PREX1: variants seen among roughly 807,000 people sequenced by gnomAD.
PREX1 encodes the protein phosphatidylinositol 3,4,5-trisphosphate-dependent Rac exchanger 1 protein.
PREX1 carries 41 observed loss-of-function variants against 198.3 expected under a neutral mutation model. That is an observed-to-expected ratio of 0.21 (90% CI 0.16 to 0.27). The LOEUF is 0.27. PREX1 is among the 10% of genes least tolerant of loss of function. The probability of loss-of-function intolerance (pLI) is 1.00; values close to 1 mark genes in which losing one functional copy is unlikely to be tolerated. For missense variants in PREX1, 1,620 were observed against 2,200.7 expected (o/e 0.74, Z 5.28); for synonymous variants, 843 against 887.2 (o/e 0.95, Z 0.89).
chr20:48,845,353 G>T, the PREX1 span, among the ~76,000 whole-genome samples: 442 of 152,304 alleles, frequency 2.9e-3, no homozygotes, highest in Middle Eastern at 0.014. Context: ...CCATAGGCAG[G>T]TAATAAATAA....
intron 1 of PREX1, among the ~76,000 whole-genome samples, chr20:48,765,532 A>C (rs1352657932): frequency 6.6e-6 from 1 of 152,216 alleles, no homozygotes; most frequent in Non-Finnish European, 1.5e-5. Context: ...TTAAGTGCTT[A>C]CTGCATGCCA....
chr20:48,682,814 A>G (rs1012927632), intron 10 of PREX1, among the ~76,000 whole-genome samples: 6 of 152,226 alleles, frequency 3.9e-5, no homozygotes, highest in African/African-American at 4.8e-5. Flanking sequence ...CGCCGAGGCA[A>G]TCTGTGTTCA....
intron 7 of PREX1, among the ~76,000 whole-genome samples, chr20:48,693,188 GTCCATCCA>G (rs10626115): frequency 4.6e-4 from 70 of 150,920 alleles, no homozygotes; most frequent in Middle Eastern, 3.4e-3. Context: ...CTGGCAGTCC[GTCCATCCA>G]TCCATCCATC....
chr20:48,649,612 G>A, intron 24 of PREX1, 36 bp from the exon 25 acceptor site: 1 of 1,543,520 alleles, frequency 6.5e-7, no homozygotes, highest in Admixed American at 2.0e-5. Flanking sequence ...CTGGAAAACA[G>A]CCCCCAGCAT....
chr20:48,745,139 G>A lies in PREX1; in HGVS notation c.300C>T (p.Phe100=), dbSNP rs1410644792. The change falls in exon 3 of 40, where the codon TTC becomes TTT. Residue 100 remains phenylalanine (F), a synonymous_variant. Coordinates refer to ENST00000371941, the MANE Select transcript of PREX1 (RefSeq NM_020820.4). Reference sequence around the variant, plus strand: ...CTTCCAGGATGTCTTCGATGTTCGAGAACAGGACCTGTGAGGAAAAGAGAG... The same window carrying A: ...CTTCCAGGATGTCTTCGATGTTCGAAAACAGGACCTGTGAGGAAAAGAGAG... The part of the protein sequence containing the change: ...GLTEENVKVL[F]SNIEDILEVH... 1 of 1,613,874 alleles carries A rather than the reference G, an allele frequency of 6.2e-7. No individual in the cohort carries two copies. The highest frequency in any genetic ancestry group is 2.2e-5 in the East Asian group (1 of 44,878).
chr20:48,693,511 G>A (rs957231959), intron 7 of PREX1, among the ~76,000 whole-genome samples: 22 of 152,172 alleles, frequency 1.4e-4, no homozygotes, highest in African/African-American at 5.1e-4. Context: ...GCAGGCCCTC[G>A]CCAGCACCGA....
chr20:48,746,994 ACACACACACACACACACC>A (rs1568848679), intron 2 of PREX1, among the ~76,000 whole-genome samples: 1 of 65,378 alleles, frequency 1.5e-5, no homozygotes, highest in African/African-American at 5.6e-5. Context: ...ACACACACAC[ACACACACACACACACACC>A]CCACCCCCAG....
chr20:48,855,461 G>A, the PREX1 span, among the ~76,000 whole-genome samples: 1 of 152,036 alleles, frequency 6.6e-6, no homozygotes, highest in East Asian at 1.9e-4. Context: ...ACATCCCTGG[G>A]AGACTCATTC....
chr20:48,853,494 G>A, the PREX1 span, among the ~76,000 whole-genome samples: 26,294 of 152,050 alleles, frequency 0.17, 2,341 homozygotes, highest in Non-Finnish European at 0.19. Context: ...ATTATCACGA[G>A]ATAGCATGGG....
chr20:48,840,011 TTTTG>T, the PREX1 span, among the ~76,000 whole-genome samples: 6 of 152,300 alleles, frequency 3.9e-5, no homozygotes, highest in African/African-American at 1.2e-4. Flanking sequence ...TTGCAATTAT[TTTTG>T]TTTGTTTGTT....
chr20:48,836,720 A>T, the PREX1 span, among the ~76,000 whole-genome samples: 1 of 152,040 alleles, frequency 6.6e-6, no homozygotes, highest in African/African-American at 2.4e-5. Flanking sequence ...TTCGAGACCA[A>T]CCTGGTCAAC....
At chr20:48,672,966 T>G (rs1352411374) in intron 14 of PREX1, among the ~76,000 whole-genome samples, 2 of 152,168 alleles carry the variant, frequency 1.3e-5, no homozygotes, top group African/African-American at 2.4e-5. Flanking sequence ...GTCTGTCTTG[T>G]TCCCTGCTGT....
rs140010281 is a variant in PREX1, at chr20:48,737,215, C to CAAAA, written c.415-2569_415-2566dup. Reference sequence around the variant, plus strand: ...GCAGTAGGTGGGAAGGTTTTGACAGCAAAAAAAAAAAAAAAAAAAAAAAAA... The same window carrying CAAAA: ...GCAGTAGGTGGGAAGGTTTTGACAGCAAAAAAAAAAAAAAAAAAAAAAAAAAAAA... On this transcript the variant is annotated intron_variant, in intron 3 of 39. Transcript: ENST00000371941. Among the ~76,000 whole-genome samples the CAAAA allele has an allele frequency of 5.7e-4, 20 of 35,296 alleles. 1 individual carries two copies. The highest frequency in any genetic ancestry group is 2.8e-3 in the East Asian group (3 of 1,058). The allele number at this position is 35,296 out of a possible 152,430, so 23.2% of individuals were successfully genotyped here.
At chr20:48,711,591 T>A (rs2089931164) in intron 5 of PREX1, among the ~76,000 whole-genome samples, 1 of 152,026 alleles carries the variant, frequency 6.6e-6, no homozygotes, top group Non-Finnish European at 1.5e-5. Context: ...CCCGTTTTTG[T>A]AAAAAAAAGT....
intron 1 of PREX1, among the ~76,000 whole-genome samples, chr20:48,786,861 A>G (rs1242566514): frequency 1.1e-4 from 16 of 150,510 alleles, no homozygotes; most frequent in Non-Finnish European, 2.4e-4. Context: ...GAGAAAGAGA[A>G]AGAGAGAGGA....
the PREX1 span, among the ~76,000 whole-genome samples, chr20:48,856,402 G>C: frequency 6.6e-6 from 1 of 152,296 alleles, no homozygotes; most frequent in African/African-American, 2.4e-5. Flanking sequence ...CTCCCTCCTG[G>C]TGAGTCCATG....
chr20:48,700,123 C>T (rs1213624652), intron 7 of PREX1, among the ~76,000 whole-genome samples: 1 of 152,232 alleles, frequency 6.6e-6, no homozygotes, highest in Non-Finnish European at 1.5e-5. Context: ...CTACAGAGCG[C>T]AAGAAGCACC....
At chr20:48,670,253 C>T (rs1406102103) in intron 14 of PREX1, among the ~76,000 whole-genome samples, 3 of 152,154 alleles carry the variant, frequency 2.0e-5, no homozygotes, top group Non-Finnish European at 2.9e-5. Flanking sequence ...CCCAGTAGTA[C>T]CTCAAGCTGC....
the PREX1 span, among the ~76,000 whole-genome samples, chr20:48,886,285 C>T: frequency 1.3e-5 from 2 of 152,194 alleles, no homozygotes; most frequent in African/African-American, 4.8e-5. Context: ...CTGGAAGCCT[C>T]CGTGGTAAGG....
Sources: allele counts gnomAD v4.1 joint callset (sites outside exome capture counted in the v4.1 genomes callset), GRCh38; gene constraint gnomAD v4.1.1; transcripts MANE v1.5; gene names NCBI Gene and HGNC (gene_info 2026-07-23, HGNC 2026-07-21).